MYLK: variants seen among roughly 807,000 people sequenced by gnomAD.
MYLK encodes the protein myosin light chain kinase, also known as myosin light chain kinase, smooth muscle.
A neutral mutation model predicts 203.4 loss-of-function variants in MYLK; 106 were observed. The ratio of observed to expected loss-of-function variants is 0.52; its 90% confidence interval spans 0.45 to 0.61. The LOEUF (loss-of-function observed/expected upper bound fraction) is 0.61, where lower values mean the gene tolerates loss of function less well. MYLK is among the 20% of genes least tolerant of loss of function. The probability of loss-of-function intolerance (pLI) is 0.00; values close to 1 mark genes in which losing one functional copy is unlikely to be tolerated. For synonymous variants in MYLK, 867 were observed against 959.5 expected, an observed-to-expected ratio of 0.90 and a Z score of 1.78; for missense variants, 2,072 against 2,442.3, an observed-to-expected ratio of 0.85 and a Z score of 3.20.
intron 2 of MYLK, among the ~76,000 whole-genome samples, chr3:123,849,476 T>C (rs1313922804): frequency 6.6e-6 from 1 of 152,180 alleles, no homozygotes; most frequent in Non-Finnish European, 1.5e-5. Flanking sequence ...TGGTTTATTA[T>C]ATAGTAAAAG....
chr3:123,740,520 G>A (rs760677901), intron 5 of MYLK, among the ~76,000 whole-genome samples: 11 of 152,238 alleles, frequency 7.2e-5, no homozygotes, highest in East Asian at 1.9e-4. Flanking sequence ...CTTAAGGCCT[G>A]GCAAGTAGCA....
At chr3:123,686,246 G>T (rs890833949) in intron 19 of MYLK, among the ~76,000 whole-genome samples, 5 of 152,168 alleles carry the variant, frequency 3.3e-5, no homozygotes, top group Non-Finnish European at 7.3e-5. Context: ...AAAGAAGTGT[G>T]GGGGAGGAAG....
intron 4 of MYLK, among the ~76,000 whole-genome samples, chr3:123,764,334 C>T (rs1437839399): frequency 6.6e-6 from 1 of 152,132 alleles, no homozygotes; most frequent in Non-Finnish European, 1.5e-5. Context: ...ACAGATGGGA[C>T]CTGTCAATGT....
chr3:123,845,342 A>T (rs1299781923), intron 2 of MYLK, among the ~76,000 whole-genome samples: 2 of 152,208 alleles, frequency 1.3e-5, no homozygotes, highest in African/African-American at 4.8e-5. Flanking sequence ...GGCAGATGAG[A>T]CATGCAGGAC....
chr3:123,668,266 T>A (rs1244636339), intron 20 of MYLK, among the ~76,000 whole-genome samples: 1 of 152,168 alleles, frequency 6.6e-6, no homozygotes, highest in African/African-American at 2.4e-5. Flanking sequence ...GCCTTATTCA[T>A]AATTGCCAAA....
At chr3:123,816,581 A>T (rs2065757124) in intron 3 of MYLK, among the ~76,000 whole-genome samples, 1 of 152,282 alleles carries the variant, frequency 6.6e-6, no homozygotes, top group East Asian at 1.9e-4. Context: ...GGTTGGCCAG[A>T]AAAGTTAATA....
At chr3:123,752,071 C>T (rs938372285) in intron 5 of MYLK, among the ~76,000 whole-genome samples, 2 of 151,930 alleles carry the variant, frequency 1.3e-5, no homozygotes, top group Admixed American at 6.6e-5. Context: ...ATTTCAGCTG[C>T]AGTGTGAGGG....
In MYLK at chr3:123,663,077, T is replaced by C. The variant is rs112193304; in HGVS notation, c.3985+1028A>G. ...CAAATGCATGAGGCATAGAGTCTAC[T>C]CTCTCTCTCTGTCTGCTCCTCTGCC... On this transcript the variant is annotated intron_variant, in intron 23 of 33. Transcript: ENST00000360304. Among the ~76,000 whole-genome samples, 344 of 152,206 alleles carry C rather than the reference T, an allele frequency of 2.3e-3. 1 individual carries two copies. Among genetic ancestry groups the C allele is most frequent in the African/African-American group, 7.9e-3 (328 of 41,558 alleles).
At chr3:123,709,629 C>T in intron 14 of MYLK, 127 bp downstream of exon 14, 1 of 1,232,904 alleles carries the variant, frequency 8.1e-7, no homozygotes, top group Non-Finnish European at 1.2e-6. Context: ...TCTTTGGGTC[C>T]ATCACCTGAT....
At chr3:123,649,323 C>T in intron 24 of MYLK, 129 bp from the exon 25 acceptor site, 2 of 1,197,188 alleles carry the variant, frequency 1.7e-6, no homozygotes, top group Admixed American at 1.9e-5. Flanking sequence ...AGGTCCAGAG[C>T]TCTGGGCATC....
chr3:123,813,516 C>CTT (rs556377390), intron 3 of MYLK, among the ~76,000 whole-genome samples: 2 of 146,292 alleles, frequency 1.4e-5, no homozygotes, highest in African/African-American at 2.5e-5. Context: ...CTCTCTCTCT[C>CTT]TTTTTTTTTT....
intron 3 of MYLK, among the ~76,000 whole-genome samples, chr3:123,816,648 A>T (rs2065759604): frequency 6.6e-6 from 1 of 152,222 alleles, no homozygotes; most frequent in Non-Finnish European, 1.5e-5. Flanking sequence ...AACTAGACAG[A>T]CTTTCTCCTC....
intron 29 of MYLK, among the ~76,000 whole-genome samples, chr3:123,632,423 C>G (rs577620259): frequency 2.0e-5 from 3 of 152,270 alleles, no homozygotes; most frequent in African/African-American, 7.2e-5. Context: ...GCAGAAAGTT[C>G]CCCTTCTGCA....
At chr3:123,867,444 G>C (rs2032409486) in intron 2 of MYLK, among the ~76,000 whole-genome samples, 1 of 150,460 alleles carries the variant, frequency 6.6e-6, no homozygotes, top group African/African-American at 2.5e-5. Flanking sequence ...AAAAAAACCA[G>C]GAGGAAATTT....
intron 19 of MYLK, among the ~76,000 whole-genome samples, chr3:123,686,842 G>A (rs912283636): frequency 7.9e-5 from 12 of 152,156 alleles, no homozygotes; most frequent in African/African-American, 2.4e-4. Context: ...TACACCATTC[G>A]CCAGTATTGA....
intron 20 of MYLK, among the ~76,000 whole-genome samples, chr3:123,669,448 A>G (rs2059840081): frequency 6.6e-6 from 1 of 151,846 alleles, no homozygotes; most frequent in Non-Finnish European, 1.5e-5. Context: ...CTTTTGCCAT[A>G]AAGGACATTT....
At chr3:123,643,164 T>TATGTCCATGGCCTC (rs1478798614) in intron 27 of MYLK, among the ~76,000 whole-genome samples, 1 of 152,222 alleles carries the variant, frequency 6.6e-6, no homozygotes, top group African/African-American at 2.4e-5. Context: ...TCCATGGCCT[T>TATGTCCATGGCCTC]ATGTCCATGG....
Position 123,793,691 on chromosome 3 carries a change from T to C in MYLK, c.151A>G (p.Lys51Glu), listed in dbSNP as rs759096954. 2 of 1,614,108 alleles carry C rather than the reference T, an allele frequency of 1.2e-6. No homozygotes were observed. Among genetic ancestry groups the C allele is most frequent in the Middle Eastern group, 1.6e-4 (1 of 6,062 alleles). The change falls in exon 4 of 34, where the codon AAG becomes GAG. Residue 51 changes from lysine (K) to glutamate (E), a missense_variant. Transcript: ENST00000360304. The part of the protein sequence containing the change: ...NLCIKEGATA[K>E]FEGRVRGYPE... ...ACACTTCTTACCCGCCCTTCGAACT[T>C]GGCGGTGGCTCCTTCTTTGATGCAG... is the stretch of plus-strand genomic sequence containing the variant.
At chr3:123,767,361 C>CT (rs1188242909) in intron 4 of MYLK, among the ~76,000 whole-genome samples, 1 of 152,200 alleles carries the variant, frequency 6.6e-6, no homozygotes, top group East Asian at 1.9e-4. Context: ...AATTCCAGCA[C>CT]TTTGGGAGGC....
Sources: allele counts gnomAD v4.1 joint callset (sites outside exome capture counted in the v4.1 genomes callset), GRCh38; gene constraint gnomAD v4.1.1; transcripts MANE v1.5; gene names NCBI Gene and HGNC (gene_info 2026-07-23, HGNC 2026-07-21).